Variants in TEX11 observed in about 807,000 individuals in gnomAD.
TEX11 encodes testis expressed 11.
Under a neutral mutation model 84.4 loss-of-function variants are expected in TEX11, and 7 were observed. That is an observed-to-expected ratio of 0.08 (90% CI 0.05 to 0.16). The LOEUF (loss-of-function observed/expected upper bound fraction) is 0.16. TEX11 is among the 10% of genes least tolerant of loss of function. The pLI, the probability that TEX11 is intolerant of heterozygous loss-of-function variation, is 1.00. For synonymous variants in TEX11, 264 were observed against 222.8 expected, an observed-to-expected ratio of 1.18 and a Z score of -1.64; for missense variants, 551 against 660.5, an observed-to-expected ratio of 0.83 and a Z score of 1.82.
In TEX11 at chrX:70,646,433, A is replaced by G. The variant is rs1251629088; in HGVS notation, c.1483+5017T>C. On this transcript the variant is annotated intron_variant, in intron 17 of 29. Coordinates refer to ENST00000374333, the MANE Select transcript of TEX11 (RefSeq NM_031276.3). ...GCAAAAGAAACCATCAACAGAGTGA[A>G]GACACAATGTATGGAATGGGAGAAT... Among the ~76,000 whole-genome samples, 4 of 112,335 alleles carry G rather than the reference A, an allele frequency of 3.6e-5. No homozygotes were observed. In the Admixed American group the frequency reaches 3.8e-4, roughly 11 times the overall value.
At chrX:70,756,785 A>G (rs1248501523) in intron 9 of TEX11, among the ~76,000 whole-genome samples, 1 of 112,241 alleles carries the variant, frequency 8.9e-6, no homozygotes, top group Non-Finnish European at 1.9e-5. Flanking sequence ...AGTTGACAGA[A>G]GTAGGCTTCA....
At chrX:70,656,150 A>G (rs2089863244) in intron 16 of TEX11, among the ~76,000 whole-genome samples, 1 of 108,540 alleles carries the variant, frequency 9.2e-6, no homozygotes, top group Admixed American at 1.0e-4. Flanking sequence ...GAGGCTGGGC[A>G]TGGCTGATCA....
At chrX:70,704,522 C>A (rs1438051956) in intron 13 of TEX11, among the ~76,000 whole-genome samples, 4 of 111,326 alleles carry the variant, frequency 3.6e-5, no homozygotes, top group Non-Finnish European at 7.5e-5. Context: ...AATCATTATT[C>A]TTTTTCTCAA....
At chrX:70,732,452 G>T (rs2090660812) in intron 11 of TEX11, among the ~76,000 whole-genome samples, 1 of 111,862 alleles carries the variant, frequency 8.9e-6, no homozygotes, top group African/African-American at 3.3e-5. Flanking sequence ...CTTCAGCAAA[G>T]TCTCAGGACA....
downstream of TEX11, among the ~76,000 whole-genome samples, chrX:70,528,770 G>A (rs1041400289): frequency 1.8e-5 from 2 of 111,499 alleles, no homozygotes. Context: ...TCAGGGATTA[G>A]GAATTTGAGC....
intron 8 of TEX11, among the ~76,000 whole-genome samples, chrX:70,816,389 C>T (rs1242369524): frequency 1.8e-5 from 2 of 111,590 alleles, no homozygotes; most frequent in Non-Finnish European, 3.8e-5. Flanking sequence ...ATTCTGAGGA[C>T]TGAGTGGTCT....
intron 10 of TEX11, among the ~76,000 whole-genome samples, chrX:70,741,278 G>A (rs903926049): frequency 9.0e-6 from 1 of 111,396 alleles, no homozygotes; most frequent in Admixed American, 9.6e-5. Flanking sequence ...TCCAAAAGAC[G>A]TAACAAAATG....
intron 11 of TEX11, among the ~76,000 whole-genome samples, chrX:70,730,427 A>C (rs1221389525): frequency 8.9e-6 from 1 of 111,945 alleles, no homozygotes; most frequent in African/African-American, 3.2e-5. Context: ...GCAGAGACAC[A>C]CATAGGCTCA....
intron 7 of TEX11, chrX:70,846,277 T>A (rs1406516851): frequency 9.0e-6 from 1 of 111,573 alleles, no homozygotes; most frequent in East Asian, 2.8e-4. Flanking sequence ...ATAGAAATGA[T>A]CCCTGAAAGT....
intron 13 of TEX11, among the ~76,000 whole-genome samples, chrX:70,712,593 T>C (rs934925435): frequency 1.8e-5 from 2 of 111,283 alleles, no homozygotes; most frequent in African/African-American, 3.3e-5. Context: ...TCTCTGTTTG[T>C]CTGTTATTGG....
intron 17 of TEX11, among the ~76,000 whole-genome samples, chrX:70,643,748 T>A (rs1218727612): frequency 9.8e-6 from 1 of 101,973 alleles, no homozygotes; most frequent in Non-Finnish European, 2.0e-5. Context: ...ATCCCTTCCT[T>A]ACACCTTATA....
intron 24 of TEX11, among the ~76,000 whole-genome samples, chrX:70,604,048 G>A (rs189630914): frequency 1.8e-5 from 2 of 111,524 alleles, no homozygotes; most frequent in East Asian, 5.6e-4. Context: ...AGTTTAGAGA[G>A]TTCTGAGAAA....
intron 7 of TEX11, among the ~76,000 whole-genome samples, chrX:70,842,690 T>C (rs1225991125): frequency 9.0e-6 from 1 of 111,598 alleles, no homozygotes; most frequent in African/African-American, 3.3e-5. Context: ...GGAAGTCAAA[T>C]TGTCCCTGTT....
At chrX:70,671,282 T>G (rs1224078669) in intron 15 of TEX11, among the ~76,000 whole-genome samples, 1 of 111,414 alleles carries the variant, frequency 9.0e-6, no homozygotes, top group Non-Finnish European at 1.9e-5. Flanking sequence ...CAAGGTAAGG[T>G]AAATGATTCC....
At chrX:70,628,187 G>A (rs1259761045) in intron 18 of TEX11, among the ~76,000 whole-genome samples, 4 of 105,771 alleles carry the variant, frequency 3.8e-5, no homozygotes, top group South Asian at 4.4e-4. Flanking sequence ...CTGAGATTAC[G>A]CCACTGCACT....
intron 16 of TEX11, among the ~76,000 whole-genome samples, chrX:70,661,041 G>A (rs1223295219): frequency 8.9e-6 from 1 of 112,349 alleles, no homozygotes; most frequent in Non-Finnish European, 1.9e-5. Context: ...GACAGTGGGT[G>A]CAGCACACCG....
chrX:70,647,674 A>T lies in TEX11; in HGVS notation c.1483+3776T>A, dbSNP rs758712842. 5.8e-3 allele frequency among the ~76,000 whole-genome samples: 244 copies of T among 42,324 alleles called. 3 individuals carry two copies. The highest frequency in any genetic ancestry group is 9.5e-3 in the African/African-American group (201 of 21,085). 36.8% of individuals were successfully genotyped at this position (42,324 alleles called of 115,157 possible). A position where few individuals can be genotyped will look rare whatever the true frequency, so the allele number is the denominator to read the frequency against. On this transcript the variant is annotated intron_variant, in intron 17 of 29. Transcript: ENST00000374333. The stretch of plus-strand genomic sequence containing the variant: ...GAGTAAGACCTTGCTTCAAAAAAAT[A>T]AAAAATAAAAAAAGGATGTGAGGTA...
intron 9 of TEX11, among the ~76,000 whole-genome samples, chrX:70,769,771 A>G (rs1231440431): frequency 9.0e-6 from 1 of 111,404 alleles, no homozygotes; most frequent in African/African-American, 3.3e-5. Flanking sequence ...TTCCAGCTCT[A>G]AAGAGTTATC....
chrX:70,555,442 C>T (rs5980966), intron 25 of TEX11, among the ~76,000 whole-genome samples: 22,567 of 111,186 alleles, frequency 0.2, 1,812 homozygotes, highest in African/African-American at 0.24. Flanking sequence ...TAACCTTAAA[C>T]AGCTTGATGA....
Sources: allele counts gnomAD v4.1 joint callset (sites outside exome capture counted in the v4.1 genomes callset), GRCh38; gene constraint gnomAD v4.1.1; transcripts MANE v1.5; gene names NCBI Gene and HGNC (gene_info 2026-07-23, HGNC 2026-07-21).